CRTC2: variants seen among roughly 807,000 people sequenced by gnomAD.
CRTC2 encodes the protein CREB-regulated transcription coactivator 2.
CRTC2 carries 25 observed loss-of-function variants against 70.9 expected under a neutral mutation model. The observed-to-expected ratio is 0.35, with a 90% CI of 0.26 to 0.49. The LOEUF (loss-of-function observed/expected upper bound fraction) is 0.49, where lower values mean the gene tolerates loss of function less well. Ranked by LOEUF, CRTC2 falls within the 20% of genes least tolerant of loss-of-function variation. The pLI, the probability that CRTC2 is intolerant of heterozygous loss-of-function variation, is 0.98. For synonymous variants in CRTC2, 330 were observed against 364.1 expected (o/e 0.91, Z 1.07); for missense variants, 737 against 882.6 (o/e 0.83, Z 2.09).
chr1:153,954,534 G>A (rs754109470), intron 3 of CRTC2, among the ~76,000 whole-genome samples: 3 of 152,134 alleles, frequency 2.0e-5, no homozygotes, highest in Non-Finnish European at 4.4e-5. Context: ...AGGGCTTGGA[G>A]GAGACAGTTA....
rs1205440740 is a variant in CRTC2, at chr1:153,953,308, G to C, written c.565C>G (p.Pro189Ala). 7.5e-6 allele frequency: 12 copies of C among 1,598,192 alleles called. No homozygotes were observed. The highest frequency in any genetic ancestry group is 1.0e-5 in the Non-Finnish European group (12 of 1,175,106). ...VMNPSPQDTY[P>A]GPTPPSILPS... ...AGGATGCTGGGAGGTGTGGGGCCTG[G>C]GTAGGTATCCTGGGGACTGGGGTTC... Residue 189 changes from proline to alanine, a missense_variant, in exon 6 of 14, where the codon CCA becomes GCA. By Grantham distance (27) the Pro-to-Ala change is conservative. This residue lies in a region of CRTC2 where 699 missense variants were observed against 823.7 expected (regional missense o/e 0.85). Transcript: ENST00000368633.
intron 11 of CRTC2, 106 bp from the exon 12 acceptor site, chr1:153,949,490 A>C: frequency 8.2e-7 from 1 of 1,219,422 alleles, no homozygotes; most frequent in Non-Finnish European, 1.1e-6. Flanking sequence ...CAAAACAAAC[A>C]TGACAACATT....
chr1:153,949,428 C>T (rs749543463), intron 11 of CRTC2, 44 bp from the exon 12 acceptor site: 13 of 1,526,426 alleles, frequency 8.5e-6, no homozygotes, highest in Non-Finnish European at 1.1e-5. Context: ...TCAGTGTATA[C>T]CCCAAGAACT....
At position 153,954,259 on chromosome 1, in the gene CRTC2, G is replaced by T. The variant is rs774863416; in HGVS notation, c.430C>A (p.Arg144=). ...CTGCCCGCCCTGGACACTTACCTTC[G>T]CCAGCTAGACTCTGGGGGAGGAGAT... is the stretch of plus-strand genomic sequence containing the variant. ...YLSPPPESSW[R]RTMAWGNFPA... is the part of the protein sequence containing the mutation. The change falls in exon 4 of 14, where the codon CGA becomes AGA. Residue 144 remains arginine (R), a synonymous_variant. Coordinates refer to ENST00000368633, the MANE Select transcript of CRTC2 (RefSeq NM_181715.3). 1.9e-6 allele frequency: 3 copies of T among 1,611,242 alleles called. No homozygotes were observed. Among genetic ancestry groups the T allele is most frequent in the Non-Finnish European group, 2.5e-6 (3 of 1,178,154 alleles).
Sources: allele counts gnomAD v4.1 joint callset (sites outside exome capture counted in the v4.1 genomes callset), GRCh38; gene constraint gnomAD v4.1.1; regional missense constraint gnomAD v4.1.1; transcripts MANE v1.5; gene names NCBI Gene and HGNC (gene_info 2026-07-23, HGNC 2026-07-21).